ZFPM2: variants seen among roughly 807,000 people sequenced by gnomAD.
The protein encoded by ZFPM2 is zinc finger protein, FOG family member 2.
ZFPM2 carries 20 observed loss-of-function variants against 98.6 expected under a neutral mutation model. The observed-to-expected ratio is 0.20, with a 90% CI of 0.14 to 0.29. The LOEUF is 0.29. Ranked by LOEUF, ZFPM2 falls within the 10% of genes least tolerant of loss-of-function variation. The probability of loss-of-function intolerance (pLI) is 1.00; values close to 1 mark genes in which losing one functional copy is unlikely to be tolerated. For synonymous variants in ZFPM2, 518 were observed against 502.7 expected (o/e 1.03, Z -0.41); for missense variants, 1,310 against 1,388.6 (o/e 0.94, Z 0.90).
chr8:105,694,023 G>A (rs1480464354), intron 5 of ZFPM2, among the ~76,000 whole-genome samples: 1 of 116,648 alleles, frequency 8.6e-6, no homozygotes, highest in Non-Finnish European at 1.6e-5. Context: ...CTCACACTCT[G>A]TTGCCCAGGC....
At chr8:105,321,080 G>T (rs1175933038) in intron 1 of ZFPM2, among the ~76,000 whole-genome samples, 4 of 152,084 alleles carry the variant, frequency 2.6e-5, no homozygotes, top group Non-Finnish European at 5.9e-5. Flanking sequence ...AAAAATTAAA[G>T]GTCTTTGAAT....
At chr8:105,556,689 C>T (rs1052116285) in intron 3 of ZFPM2, among the ~76,000 whole-genome samples, 2 of 131,828 alleles carry the variant, frequency 1.5e-5, no homozygotes, top group Non-Finnish European at 3.2e-5. Flanking sequence ...TTCCCTTTTC[C>T]CCCTTCCCCC....
At chr8:105,634,495 G>A (rs1816811412) in intron 5 of ZFPM2, 138 bp downstream of exon 5, 1 of 690,116 alleles carries the variant, frequency 1.4e-6, no homozygotes, top group African/African-American at 1.8e-5. Flanking sequence ...TTCCTCTAAT[G>A]TGTATTTTCA....
intron 5 of ZFPM2, among the ~76,000 whole-genome samples, chr8:105,664,321 TTGTGTGTG>T (rs148523592): frequency 0.04 from 5,769 of 144,604 alleles, 356 homozygotes; most frequent in African/African-American, 0.13. Flanking sequence ...CATAAAATTC[TTGTGTGTG>T]TGTGTGTGTG....
intron 4 of ZFPM2, among the ~76,000 whole-genome samples, chr8:105,609,371 G>A (rs1816260117): frequency 1.3e-5 from 2 of 152,224 alleles, no homozygotes; most frequent in South Asian, 4.1e-4. Flanking sequence ...CCAGTGGAGA[G>A]GACAAGTGGA....
At chr8:105,613,442 A>C (rs1312424107) in intron 4 of ZFPM2, among the ~76,000 whole-genome samples, 1 of 152,166 alleles carries the variant, frequency 6.6e-6, no homozygotes, top group African/African-American at 2.4e-5. Flanking sequence ...CAAAAATTTT[A>C]GGTGAAGAAA....
At chr8:105,492,046 C>T (rs142202758) in intron 3 of ZFPM2, among the ~76,000 whole-genome samples, 23 of 152,200 alleles carry the variant, frequency 1.5e-4, no homozygotes, top group East Asian at 9.7e-4. Context: ...CTTCTTTATA[C>T]GTGATTATTA....
At chr8:105,375,110 A>G (rs1810697267) in intron 1 of ZFPM2, among the ~76,000 whole-genome samples, 1 of 152,204 alleles carries the variant, frequency 6.6e-6, no homozygotes, top group South Asian at 2.1e-4. Flanking sequence ...TATTTGTCCA[A>G]TGGACCTAAA....
At chr8:105,422,301 G>A (rs1811811391) in intron 2 of ZFPM2, among the ~76,000 whole-genome samples, 1 of 151,964 alleles carries the variant, frequency 6.6e-6, no homozygotes, top group Non-Finnish European at 1.5e-5. Context: ...ACTGGGTGTG[G>A]TGGTGGGTGC....
chr8:105,740,714 G>A (rs548694784), intron 5 of ZFPM2, among the ~76,000 whole-genome samples: 1 of 151,628 alleles, frequency 6.6e-6, no homozygotes, highest in East Asian at 1.9e-4. Context: ...TATGTTTTAG[G>A]TGTTACCCTA....
chr8:105,595,118 G>A (rs1385725672), intron 4 of ZFPM2, among the ~76,000 whole-genome samples: 1 of 152,142 alleles, frequency 6.6e-6, no homozygotes, highest in Non-Finnish European at 1.5e-5. Flanking sequence ...AAAGCAATTT[G>A]AGAGTAAAGA....
At chr8:105,356,168 T>C (rs553432109) in intron 1 of ZFPM2, among the ~76,000 whole-genome samples, 2 of 152,372 alleles carry the variant, frequency 1.3e-5, no homozygotes, top group South Asian at 2.1e-4. Context: ...ATTCAAACTT[T>C]CTTTAGTAAA....
At position 105,497,919 on chromosome 8, in the gene ZFPM2, G is replaced by A. The variant is rs909894524; in HGVS notation, c.301+53538G>A. On this transcript the variant is annotated intron_variant, in intron 3 of 7. Transcript: ENST00000407775. Reference sequence around the variant, plus strand: ...ATAATAATTTAGGCCAGGCACAGTGGCTCATGCCTGTAATCTCAGCATTTT... The same window carrying A: ...ATAATAATTTAGGCCAGGCACAGTGACTCATGCCTGTAATCTCAGCATTTT... Among the ~76,000 whole-genome samples, 53 of 151,674 alleles carry A rather than the reference G, an allele frequency of 3.5e-4. 2 individuals are homozygous for A.
chr8:105,574,820 A>G (rs1188039704), intron 4 of ZFPM2, among the ~76,000 whole-genome samples: 1 of 151,142 alleles, frequency 6.6e-6, no homozygotes, highest in Non-Finnish European at 1.5e-5. Flanking sequence ...CTCCTCTGAA[A>G]GCCACTGCTG....
intron 1 of ZFPM2, among the ~76,000 whole-genome samples, chr8:105,341,361 G>T (rs1812428023): frequency 6.6e-6 from 1 of 151,818 alleles, no homozygotes; most frequent in African/African-American, 2.4e-5. Flanking sequence ...CATATTATGG[G>T]AGTGAATTTC....
intron 1 of ZFPM2, among the ~76,000 whole-genome samples, chr8:105,382,459 A>G (rs1237026089): frequency 1.3e-5 from 2 of 152,084 alleles, no homozygotes; most frequent in Non-Finnish European, 2.9e-5. Context: ...ACTTTTGTCA[A>G]TATTATTTTC....
At chr8:105,419,726 C>G (rs3779766) in intron 2 of ZFPM2, among the ~76,000 whole-genome samples, 1 of 151,798 alleles carries the variant, frequency 6.6e-6, no homozygotes, top group African/African-American at 2.4e-5. Flanking sequence ...TTTTGAAAAC[C>G]GAATGCTTTA....
At chr8:105,402,523 G>T (rs1811360711) in intron 1 of ZFPM2, among the ~76,000 whole-genome samples, 1 of 151,848 alleles carries the variant, frequency 6.6e-6, no homozygotes, top group Non-Finnish European at 1.5e-5. Context: ...TCTTTAGAGA[G>T]GAATAAAAAT....
intron 3 of ZFPM2, among the ~76,000 whole-genome samples, chr8:105,489,058 T>G (rs1563682107): frequency 6.6e-6 from 1 of 152,164 alleles, no homozygotes; most frequent in Non-Finnish European, 1.5e-5. Context: ...TAATCTGAAT[T>G]GATGCATTTG....
Sources: gnomAD v4.1 joint callset for allele counts (sites outside exome capture counted in the v4.1 genomes callset) on GRCh38, gnomAD v4.1.1 for gene constraint, MANE v1.5 for transcripts, NCBI Gene and HGNC (gene_info 2026-07-23, HGNC 2026-07-21) for gene names.